Variants in FAM117B observed in about 807,000 individuals in gnomAD.
The protein encoded by FAM117B is protein FAM117B.
In FAM117B, 22 loss-of-function variants were observed where a neutral mutation model predicts 52.8. That is an observed-to-expected ratio of 0.42 (90% CI 0.30 to 0.59). The LOEUF is 0.59. Ranked by LOEUF, FAM117B falls within the 20% of genes least tolerant of loss-of-function variation. FAM117B has a pLI of 0.22. For synonymous variants in FAM117B, 309 were observed against 324.1 expected, an observed-to-expected ratio of 0.95 and a Z score of 0.50; for missense variants, 678 against 802.6, an observed-to-expected ratio of 0.84 and a Z score of 1.88.
intron 4 of FAM117B, among the ~76,000 whole-genome samples, chr2:202,744,835 G>T (rs1049539997): frequency 1.3e-5 from 2 of 151,518 alleles, no homozygotes; most frequent in Admixed American, 1.3e-4. Flanking sequence ...AAATTAGCTG[G>T]GCATGGTGGC....
chr2:202,668,130 TA>T (rs1301661928), intron 1 of FAM117B, among the ~76,000 whole-genome samples: 4 of 142,454 alleles, frequency 2.8e-5, no homozygotes, highest in Admixed American at 7.0e-5. Context: ...ATAAAATATA[TA>T]TTTTATAAAA....
chr2:202,653,406 G>A (rs556765279), intron 1 of FAM117B, among the ~76,000 whole-genome samples: 2 of 152,328 alleles, frequency 1.3e-5, no homozygotes, highest in East Asian at 3.9e-4. Context: ...GTCTCGCTAT[G>A]TTGCTTAGGC....
At chr2:202,665,435 CT>C (rs1405764221) in intron 1 of FAM117B, among the ~76,000 whole-genome samples, 2 of 152,150 alleles carry the variant, frequency 1.3e-5, no homozygotes, top group Non-Finnish European at 2.9e-5. Context: ...TTAAAGGGCA[CT>C]TGTGATTAGA....
At chr2:202,728,701 A>G (rs750666589) in intron 4 of FAM117B, among the ~76,000 whole-genome samples, 2 of 152,242 alleles carry the variant, frequency 1.3e-5, no homozygotes, top group Admixed American at 6.5e-5. Context: ...TTAGGACTTC[A>G]GAAGTTTCTG....
chr2:202,680,903 G>A (rs1690452537), intron 1 of FAM117B, among the ~76,000 whole-genome samples: 1 of 152,148 alleles, frequency 6.6e-6, no homozygotes, highest in African/African-American at 2.4e-5. Flanking sequence ...ACCTGAAATA[G>A]TCAATTAATG....
intron 4 of FAM117B, among the ~76,000 whole-genome samples, chr2:202,737,170 T>TA (rs568965379): frequency 1.6e-4 from 24 of 146,858 alleles, no homozygotes; most frequent in Admixed American, 2.0e-4. Context: ...TGGACTGAAT[T>TA]AAAAAAAAAA....
At chr2:202,711,927 A>G (rs138712072) in intron 2 of FAM117B, among the ~76,000 whole-genome samples, 404 of 152,250 alleles carry the variant, frequency 2.7e-3, no homozygotes, top group Non-Finnish European at 4.5e-3. Context: ...TGCCAATACC[A>G]TGCCATTTTG....
chr2:202,685,200 G>A (rs1456697602), intron 1 of FAM117B, among the ~76,000 whole-genome samples: 1 of 152,010 alleles, frequency 6.6e-6, no homozygotes, highest in Non-Finnish European at 1.5e-5. Flanking sequence ...GGCCAGGCTG[G>A]TTTTGAACTC....
At chr2:202,706,133 C>T (rs1321702979) in intron 2 of FAM117B, among the ~76,000 whole-genome samples, 1 of 152,202 alleles carries the variant, frequency 6.6e-6, no homozygotes, top group Non-Finnish European at 1.5e-5. Context: ...AAGGGATCCT[C>T]CTGCCTCAGC....
intron 4 of FAM117B, among the ~76,000 whole-genome samples, chr2:202,754,732 C>G (rs34349435): frequency 6.6e-6 from 1 of 150,680 alleles, no homozygotes; most frequent in Admixed American, 6.6e-5. Context: ...ACTAAAAATA[C>G]CAAAAAAATT....
intron 4 of FAM117B, among the ~76,000 whole-genome samples, chr2:202,729,136 G>A (rs1259464498): frequency 3.3e-5 from 5 of 152,108 alleles, no homozygotes; most frequent in Admixed American, 1.3e-4. Flanking sequence ...TCAGGAGTTC[G>A]AGACTAGCCT....
At chr2:202,738,402 C>T (rs1285231442) in intron 4 of FAM117B, among the ~76,000 whole-genome samples, 3 of 152,072 alleles carry the variant, frequency 2.0e-5, no homozygotes, top group Non-Finnish European at 4.4e-5. Context: ...TTTCTGTCAA[C>T]TCAAGTTTGT....
chr2:202,650,896 G>A (rs1559094306), intron 1 of FAM117B, among the ~76,000 whole-genome samples: 2 of 152,050 alleles, frequency 1.3e-5, no homozygotes, highest in Non-Finnish European at 2.9e-5. Flanking sequence ...GGGTGGGTCT[G>A]CCTCTCCCAA....
intron 1 of FAM117B, among the ~76,000 whole-genome samples, chr2:202,674,735 G>A (rs149282936): frequency 2.0e-5 from 3 of 152,290 alleles, no homozygotes; most frequent in African/African-American, 7.2e-5. Context: ...AAGTCTAATT[G>A]TCATTTCCCT....
chr2:202,692,326 G>T (rs1342993705), intron 1 of FAM117B, among the ~76,000 whole-genome samples: 2 of 152,116 alleles, frequency 1.3e-5, no homozygotes, highest in African/African-American at 2.4e-5. Flanking sequence ...TAAAATATAT[G>T]AGGGTGTTGT....
At position 202,762,522 on chromosome 2, in the gene FAM117B, T is replaced by C. The variant is rs143654847; in HGVS notation, c.1452-2924T>C. On this transcript the variant is annotated intron_variant, in intron 7 of 7. Transcript: ENST00000392238. ...GCAATATAGAGGCATTTTTAAGTTA[T>C]ATCTACTTTGAGACACAATCCTTTT... Among the ~76,000 whole-genome samples the C allele has an allele frequency of 2.1e-3, 325 of 152,368 alleles. 6 individuals are homozygous for C. The highest frequency in any genetic ancestry group is 0.02 in the Admixed American group (299 of 15,300).
intron 1 of FAM117B, among the ~76,000 whole-genome samples, chr2:202,670,640 C>T (rs1053776566): frequency 6.6e-6 from 1 of 152,130 alleles, no homozygotes; most frequent in Non-Finnish European, 1.5e-5. Flanking sequence ...GGCCACAGAC[C>T]ATTCAAGACT....
chr2:202,696,006 C>A lies in FAM117B; in HGVS notation c.727C>A (p.Pro243Thr), dbSNP rs183268666. The A allele has an allele frequency of 1.2e-6, 2 of 1,614,042 alleles. No individual in the cohort carries two copies. The highest frequency in any genetic ancestry group is 2.2e-5 in the East Asian group (1 of 44,868). Residue 243 changes from proline (P) to threonine (T), a missense_variant, in exon 2 of 8, where the codon CCT becomes ACT. By Grantham distance (38) the Pro-to-Thr change is conservative (BLOSUM62 -1). Coordinates refer to ENST00000392238, the MANE Select transcript of FAM117B (RefSeq NM_173511.4). ...TCGGGATAGCCATGGGCAAGCTGCA[C>A]CTTGCATGAGGGACAAAGCTACACA... ...WPRDSHGQAA[P>T]CMRDKATQTE... is the part of the protein sequence containing the mutation.
At chr2:202,699,426 C>CAAAAA (rs751190825) in intron 2 of FAM117B, among the ~76,000 whole-genome samples, 30 of 17,826 alleles carry the variant, frequency 1.7e-3, no homozygotes, top group Non-Finnish European at 2.2e-3. Context: ...GACCCCATCT[C>CAAAAA]AAAAAAAAAA....
Sources: gnomAD v4.1 joint callset for allele counts (sites outside exome capture counted in the v4.1 genomes callset) on GRCh38, gnomAD v4.1.1 for gene constraint, MANE v1.5 for transcripts, NCBI Gene and HGNC (gene_info 2026-07-23, HGNC 2026-07-21) for gene names.